Variants in KDM5A observed in about 807,000 individuals in gnomAD.
KDM5A encodes lysine demethylase 5A.
KDM5A carries 42 observed loss-of-function variants against 193.5 expected under a neutral mutation model. The ratio of observed to expected loss-of-function variants is 0.22; its 90% confidence interval spans 0.17 to 0.28. The LOEUF (loss-of-function observed/expected upper bound fraction) is 0.28, where lower values mean the gene tolerates loss of function less well. KDM5A is among the 10% of genes least tolerant of loss of function. The probability of loss-of-function intolerance (pLI) is 1.00; values close to 1 mark genes in which losing one functional copy is unlikely to be tolerated. For synonymous variants in KDM5A, 796 were observed against 718.1 expected, an observed-to-expected ratio of 1.11 and a Z score of -1.73; for missense variants, 1,692 against 2,055.1, an observed-to-expected ratio of 0.82 and a Z score of 3.42.
Position 284,204 on chromosome 12 carries a change from G to A in KDM5A, c.*1252C>T, listed in dbSNP as rs1943190046. ...TGATGTTGAAACTCTGTCATATGCT[G>A]CTGGTAACAGTAAATATATATATTT... On this transcript the variant is annotated 3_prime_UTR_variant, in exon 28 of 28. Transcript: ENST00000399788. The A allele has an allele frequency of 8.8e-6, 2 of 226,050 alleles. No individual in the cohort carries two copies. The highest frequency in any genetic ancestry group is 3.7e-4 in the South Asian group (2 of 5,452). The allele number at this position is 226,050 out of a possible 1,614,324, so 14.0% of individuals were successfully genotyped here.
At chr12:352,176 C>A in intron 9 of KDM5A, 29 bp downstream of exon 9, 1 of 1,597,370 alleles carries the variant, frequency 6.3e-7, no homozygotes, top group East Asian at 2.2e-5. Context: ...TGTACCTCCC[C>A]GGACCGACCT....
chr12:350,522 C>G, intron 10 of KDM5A, 99 bp downstream of exon 10: 1 of 1,143,360 alleles, frequency 8.7e-7, no homozygotes, highest in East Asian at 2.4e-5. Flanking sequence ...CCAAATCCTA[C>G]GTATTTAATA....
At chr12:316,496 G>T (rs1283790019) in intron 19 of KDM5A, among the ~76,000 whole-genome samples, 1 of 152,098 alleles carries the variant, frequency 6.6e-6, no homozygotes, top group Non-Finnish European at 1.5e-5. Flanking sequence ...TGAAAGACAT[G>T]TTGGAGACAG....
intron 24 of KDM5A, among the ~76,000 whole-genome samples, chr12:303,586 T>C (rs1454268006): frequency 6.6e-6 from 1 of 152,206 alleles, no homozygotes; most frequent in Non-Finnish European, 1.5e-5. Context: ...CAAACCACCA[T>C]GGCACGTGTA....
chr12:359,219 T>C (rs897034942), intron 5 of KDM5A, among the ~76,000 whole-genome samples: 1 of 152,150 alleles, frequency 6.6e-6, no homozygotes, highest in African/African-American at 2.4e-5. Flanking sequence ...TCATCACTTT[T>C]TAAAAATTTA....
Position 284,608 on chromosome 12 carries a change from T to A in KDM5A, c.*848A>T, listed in dbSNP as rs1333372092. 1 of 232,926 alleles carries A rather than the reference T, an allele frequency of 4.3e-6. No individual in the cohort carries two copies. Among genetic ancestry groups the A allele is most frequent in the East Asian group, 6.0e-5 (1 of 16,544 alleles). 14.4% of individuals were successfully genotyped at this position (232,926 alleles called of 1,614,324 possible). A position where few individuals can be genotyped will look rare whatever the true frequency, so the allele number is the denominator to read the frequency against. ...GCATCACTGTGGCTCAGTAAGATAG[T>A]ACGACTGGTCATCATCGTCATCTTC... On this transcript the variant is annotated 3_prime_UTR_variant, in exon 28 of 28. Transcript: ENST00000399788.
intron 24 of KDM5A, 66 bp downstream of exon 24, chr12:306,880 C>CTTTT (rs35042439): frequency 2.3e-6 from 3 of 1,293,944 alleles, no homozygotes; most frequent in Admixed American, 3.5e-5. Context: ...TGTTCAATAG[C>CTTTT]TTTTTTTTTT....
intron 8 of KDM5A, among the ~76,000 whole-genome samples, 180 bp from the exon 9 acceptor site, chr12:352,504 T>C (rs1186119222): frequency 1.3e-5 from 2 of 152,192 alleles, no homozygotes; most frequent in East Asian, 1.9e-4. Context: ...TTCTAGAGCC[T>C]CAACTTCACT....
At chr12:360,863 T>C (rs952654050) in intron 5 of KDM5A, among the ~76,000 whole-genome samples, 1 of 152,112 alleles carries the variant, frequency 6.6e-6, no homozygotes, top group Non-Finnish European at 1.5e-5. Context: ...TTTCTCAGTA[T>C]GCTGAAATCA....
intron 14 of KDM5A, among the ~76,000 whole-genome samples, chr12:325,257 C>A (rs1177543972): frequency 1.3e-5 from 2 of 152,214 alleles, no homozygotes; most frequent in Non-Finnish European, 2.9e-5. Context: ...AGCTTCAGAA[C>A]AACTGGCAAA....
At chr12:310,803 C>T in intron 21 of KDM5A, 82 bp downstream of exon 21, 1 of 1,402,694 alleles carries the variant, frequency 7.1e-7, no homozygotes, top group Non-Finnish European at 1.0e-6. Flanking sequence ...TAATGGTAAT[C>T]AGATAAACTG....
At chr12:371,481 G>T (rs2137478863) in intron 3 of KDM5A, among the ~76,000 whole-genome samples, 1 of 123,196 alleles carries the variant, frequency 8.1e-6, no homozygotes, top group Admixed American at 8.2e-5. Context: ...GTAAATTTGA[G>T]TTCTTTGTAG....
Position 281,562 on chromosome 12 carries a change from G to C in KDM5A, c.*3894C>G, listed in dbSNP as rs527804165. Reference sequence around the variant, plus strand: ...AAAAAAAAAGGAGGAATTTCAAAAGGAGTACTTAAGGACCTGCTATAAAAG... The same window carrying C: ...AAAAAAAAAGGAGGAATTTCAAAAGCAGTACTTAAGGACCTGCTATAAAAG... On this transcript the variant is annotated 3_prime_UTR_variant, in exon 28 of 28. Transcript: ENST00000399788. 3.0e-5 allele frequency: 7 copies of C among 233,144 alleles called. No homozygotes were observed. The highest frequency in any genetic ancestry group is 1.3e-4 in the African/African-American group (6 of 45,448). The allele number at this position is 233,144 out of a possible 1,614,324, so 14.4% of individuals were successfully genotyped here.
chr12:281,594 T>C lies in KDM5A; in HGVS notation c.*3862A>G, dbSNP rs1042153010. On this transcript the variant is annotated 3_prime_UTR_variant, in exon 28 of 28. Coordinates refer to ENST00000399788, the MANE Select transcript of KDM5A (RefSeq NM_001042603.3). ...TAAGGACCTGCTATAAAAGCAACCT[T>C]CTACACACATATGGAGCTAATTCAC... 2 of 233,260 alleles carry C rather than the reference T, an allele frequency of 8.6e-6. No homozygotes were observed. Among genetic ancestry groups the C allele is most frequent in the African/African-American group, 4.4e-5 (2 of 45,348 alleles). 14.4% of individuals were successfully genotyped at this position (233,260 alleles called of 1,614,324 possible).
chr12:320,267 C>T lies in KDM5A; in HGVS notation c.2541+728G>A, dbSNP rs531202977. 9.9e-5 allele frequency among the ~76,000 whole-genome samples: 15 copies of T among 152,220 alleles called. No individual in the cohort carries two copies. The South Asian group carries it at 2.3e-3, about 23-fold the overall frequency. On this transcript the variant is annotated intron_variant, in intron 18 of 27. Transcript: ENST00000399788. ...ATCCCAGCACTTTGGGAGGCCGAGGCGCGTGGACCACTTGAGGTCAGGAGT... is the reference window on the plus strand; with the variant it reads ...ATCCCAGCACTTTGGGAGGCCGAGGTGCGTGGACCACTTGAGGTCAGGAGT...
At chr12:363,936 C>G (rs904678931) in intron 4 of KDM5A, among the ~76,000 whole-genome samples, 1 of 151,946 alleles carries the variant, frequency 6.6e-6, no homozygotes, top group African/African-American at 2.4e-5. Context: ...TCTGAACAGA[C>G]ACTTCACCAA....
intron 3 of KDM5A, 108 bp downstream of exon 3, chr12:383,923 C>A: frequency 8.2e-7 from 1 of 1,222,512 alleles, no homozygotes; most frequent in Non-Finnish European, 1.2e-6. Flanking sequence ...TAGTGCATTT[C>A]ATTGTCAAAC....
chr12:351,549 C>T (rs1015614799), intron 9 of KDM5A, among the ~76,000 whole-genome samples: 2 of 151,990 alleles, frequency 1.3e-5, no homozygotes, highest in Admixed American at 1.3e-4. Flanking sequence ...CTAAAAAAGC[C>T]TAAGATATCC....
intron 10 of KDM5A, among the ~76,000 whole-genome samples, chr12:339,821 C>T (rs1447061178): frequency 2.6e-5 from 4 of 152,022 alleles, no homozygotes; most frequent in African/African-American, 9.7e-5. Flanking sequence ...CCACCTACAC[C>T]AAAGGGGACT....
Sources: allele counts gnomAD v4.1 joint callset (sites outside exome capture counted in the v4.1 genomes callset), GRCh38; gene constraint gnomAD v4.1.1; transcripts MANE v1.5; gene names NCBI Gene and HGNC (gene_info 2026-07-23, HGNC 2026-07-21).